B3GALT1: variants seen among roughly 807,000 people sequenced by gnomAD.
B3GALT1 encodes UDP-Gal:betaGlcNAc beta 1,3-galactosyltransferase, polypeptide 1.
A neutral mutation model predicts 23.2 loss-of-function variants in B3GALT1; 10 were observed. The observed-to-expected ratio is 0.43, with a 90% CI of 0.27 to 0.73. The LOEUF (loss-of-function observed/expected upper bound fraction) is 0.73. Among genes scored for constraint, B3GALT1 ranks in the 30% least tolerant of loss-of-function variants. The pLI, the probability that B3GALT1 is intolerant of heterozygous loss-of-function variation, is 0.21. For missense variants in B3GALT1, 299 were observed against 405.4 expected, an observed-to-expected ratio of 0.74 and a Z score of 2.25; for synonymous variants, 156 against 141.5, an observed-to-expected ratio of 1.10 and a Z score of -0.73.
intron 1 of B3GALT1, among the ~76,000 whole-genome samples, chr2:167,484,661 T>A (rs377158041): frequency 1.3e-5 from 2 of 152,328 alleles, no homozygotes; most frequent in African/African-American, 4.8e-5. Flanking sequence ...ACCAAGGTTC[T>A]ATTATGTAGA....
intron 3 of B3GALT1, among the ~76,000 whole-genome samples, chr2:167,808,023 T>A (rs1180244365): frequency 2.7e-5 from 4 of 149,918 alleles, no homozygotes; most frequent in Admixed American, 1.3e-4. Flanking sequence ...TAGTTAGCTC[T>A]TCTTGTTGAA....
At chr2:167,625,943 A>G (rs1305791671) in intron 2 of B3GALT1, among the ~76,000 whole-genome samples, 1 of 5,928 alleles carries the variant, frequency 1.7e-4, no homozygotes, top group Admixed American at 1.6e-3. Context: ...TGACTAGGCC[A>G]TATATATATA....
intron 3 of B3GALT1, among the ~76,000 whole-genome samples, chr2:167,736,163 C>G (rs1687488845): frequency 6.6e-6 from 1 of 152,136 alleles, no homozygotes; most frequent in African/African-American, 2.4e-5. Context: ...AATCCCAAAT[C>G]CATGTTTTTT....
intron 1 of B3GALT1, among the ~76,000 whole-genome samples, chr2:167,443,395 C>T (rs957606902): frequency 5.3e-5 from 8 of 152,122 alleles, no homozygotes; most frequent in East Asian, 3.9e-4. Context: ...AAAGTAGTTT[C>T]TTCCAATTCT....
At chr2:167,739,043 A>G (rs893209361) in intron 3 of B3GALT1, among the ~76,000 whole-genome samples, 2 of 152,158 alleles carry the variant, frequency 1.3e-5, no homozygotes. Flanking sequence ...ATGGTGGTCA[A>G]TTCCAGTACA....
chr2:167,641,893 A>G (rs1206506250), intron 2 of B3GALT1, among the ~76,000 whole-genome samples: 3 of 152,008 alleles, frequency 2.0e-5, no homozygotes, highest in African/African-American at 7.3e-5. Context: ...GACTTTTCCT[A>G]AGTTTTAGGC....
intron 1 of B3GALT1, among the ~76,000 whole-genome samples, chr2:167,408,015 GACACACACACACACACACACACACACAC>G (rs56318085): frequency 6.3e-4 from 82 of 129,738 alleles, no homozygotes; most frequent in East Asian, 2.2e-3. Flanking sequence ...AGCAGGCAAA[GACACACACACACACACACACACACACAC>G]ACACACACAC....
At chr2:167,613,189 T>G (rs1685101275) in intron 2 of B3GALT1, among the ~76,000 whole-genome samples, 1 of 151,914 alleles carries the variant, frequency 6.6e-6, no homozygotes, top group Non-Finnish European at 1.5e-5. Context: ...AAGATTTTTA[T>G]CCTACGTAAA....
At chr2:167,328,920 C>A (rs1184479491) in intron 1 of B3GALT1, among the ~76,000 whole-genome samples, 2 of 152,154 alleles carry the variant, frequency 1.3e-5, no homozygotes, top group Admixed American at 6.5e-5. Context: ...TCAAACAATT[C>A]TCTTGCCTCA....
intron 4 of B3GALT1, among the ~76,000 whole-genome samples, chr2:167,831,928 T>C (rs1689362875): frequency 6.6e-6 from 1 of 152,210 alleles, no homozygotes; most frequent in Non-Finnish European, 1.5e-5. Flanking sequence ...GACCTAATAG[T>C]TCGCCAAATG....
At chr2:167,458,106 G>A (rs758036674) in intron 1 of B3GALT1, among the ~76,000 whole-genome samples, 3 of 151,976 alleles carry the variant, frequency 2.0e-5, no homozygotes, top group Non-Finnish European at 4.4e-5. Context: ...ATACCAATTA[G>A]ACAATAACAC....
chr2:167,731,712 AT>A (rs5836159), intron 3 of B3GALT1, among the ~76,000 whole-genome samples: 25,843 of 152,192 alleles, frequency 0.17, 2,827 homozygotes, highest in Non-Finnish European at 0.24. Context: ...TTTACATGGC[AT>A]AATTTAAAAT....
At chr2:167,714,177 A>C in intron 3 of B3GALT1, 4 of 1,516,436 alleles carry the variant, frequency 2.6e-6, no homozygotes, top group Non-Finnish European at 3.7e-6. Flanking sequence ...AGTCTATCAG[A>C]ATTAGAATAA....
At chr2:167,313,749 A>T (rs1696667857) in intron 1 of B3GALT1, among the ~76,000 whole-genome samples, 1 of 152,150 alleles carries the variant, frequency 6.6e-6, no homozygotes, top group Admixed American at 6.6e-5. Flanking sequence ...CATCACTGTG[A>T]TCCTGACAGA....
chr2:167,432,643 T>A (rs986946520), intron 1 of B3GALT1, among the ~76,000 whole-genome samples: 1 of 152,202 alleles, frequency 6.6e-6, no homozygotes, highest in African/African-American at 2.4e-5. Flanking sequence ...GTGGAGCTCT[T>A]ATCAGGCATA....
chr2:167,740,075 G>GA (rs2105275217), intron 3 of B3GALT1, among the ~76,000 whole-genome samples: 1 of 150,854 alleles, frequency 6.6e-6, no homozygotes, highest in Admixed American at 6.6e-5. Context: ...CTCCAGCCTG[G>GA]GCAACAGAGT....
At chr2:167,732,907 A>T (rs1687430596) in intron 3 of B3GALT1, among the ~76,000 whole-genome samples, 1 of 152,212 alleles carries the variant, frequency 6.6e-6, no homozygotes, top group South Asian at 2.1e-4. Flanking sequence ...TATGTCAGGG[A>T]TGGTGCAAAC....
At chr2:167,640,004 T>C (rs1358023072) in intron 2 of B3GALT1, among the ~76,000 whole-genome samples, 2 of 152,090 alleles carry the variant, frequency 1.3e-5, no homozygotes, top group African/African-American at 4.8e-5. Flanking sequence ...TATTTTAAGA[T>C]TAAATGATGG....
At chr2:167,676,469 TTATATA>T (rs201675808) in intron 3 of B3GALT1, among the ~76,000 whole-genome samples, 1 of 147,518 alleles carries the variant, frequency 6.8e-6, no homozygotes, top group African/African-American at 2.6e-5. Context: ...CCATCTAACC[TTATATA>T]TATATACACA....
Sources: gnomAD v4.1 joint callset for allele counts (sites outside exome capture counted in the v4.1 genomes callset) on GRCh38, gnomAD v4.1.1 for gene constraint, MANE v1.5 for transcripts, NCBI Gene and HGNC (gene_info 2026-07-23, HGNC 2026-07-21) for gene names.